MAML3: variants seen among roughly 807,000 people sequenced by gnomAD.
MAML3 encodes mastermind-like protein 3.
In MAML3, 27 loss-of-function variants were observed where a neutral mutation model predicts 101.9. That is an observed-to-expected ratio of 0.27 (90% CI 0.20 to 0.37). The LOEUF (loss-of-function observed/expected upper bound fraction) is 0.37, where lower values mean the gene tolerates loss of function less well. MAML3 is among the 10% of genes least tolerant of loss of function. The probability of loss-of-function intolerance (pLI) is 1.00; values close to 1 mark genes in which losing one functional copy is unlikely to be tolerated. For synonymous variants in MAML3, 501 were observed against 555.9 expected (o/e 0.90, Z 1.39); for missense variants, 1,316 against 1,444.9 (o/e 0.91, Z 1.45).
intron 2 of MAML3, among the ~76,000 whole-genome samples, chr4:139,844,446 A>G (rs1031104964): frequency 2.6e-5 from 4 of 152,166 alleles, no homozygotes; most frequent in Non-Finnish European, 4.4e-5. Flanking sequence ...TGGCACAGAG[A>G]TGATGTGGGA....
At chr4:140,091,224 T>C (rs1218767861) in intron 1 of MAML3, among the ~76,000 whole-genome samples, 1 of 152,146 alleles carries the variant, frequency 6.6e-6, no homozygotes, top group African/African-American at 2.4e-5. Context: ...GTACAACTGC[T>C]TTTTCCTATT....
At chr4:140,094,128 T>G (rs909242294) in intron 1 of MAML3, among the ~76,000 whole-genome samples, 1 of 152,190 alleles carries the variant, frequency 6.6e-6, no homozygotes, top group Non-Finnish European at 1.5e-5. Context: ...CAGTTCTATT[T>G]GCAGGCAAGG....
chr4:140,082,714 T>C (rs368089997), intron 1 of MAML3, among the ~76,000 whole-genome samples: 2 of 151,550 alleles, frequency 1.3e-5, no homozygotes, highest in African/African-American at 4.9e-5. Context: ...CCACCAGGCT[T>C]TCCCCAGAAG....
intron 1 of MAML3, among the ~76,000 whole-genome samples, chr4:140,108,295 C>T (rs1728384546): frequency 6.6e-6 from 1 of 151,946 alleles, no homozygotes; most frequent in Non-Finnish European, 1.5e-5. Context: ...CTCTTGGGAG[C>T]AGGCTGTCCC....
intron 2 of MAML3, among the ~76,000 whole-genome samples, chr4:139,762,771 G>A (rs75831533): frequency 0.018 from 2,760 of 152,276 alleles, 82 homozygotes; most frequent in African/African-American, 0.062. Flanking sequence ...AAATGGTTGA[G>A]AATAAACTGT....
At chr4:139,979,792 C>T (rs764774903) in intron 1 of MAML3, among the ~76,000 whole-genome samples, 34 of 152,136 alleles carry the variant, frequency 2.2e-4, no homozygotes, top group Non-Finnish European at 4.4e-4. Flanking sequence ...CTGCTGGTGC[C>T]GTGATCTCGG....
chr4:139,889,309 A>G (rs1732411532), intron 2 of MAML3, 48 bp downstream of exon 2: 2 of 1,613,758 alleles, frequency 1.2e-6, no homozygotes, highest in South Asian at 2.2e-5. Context: ...CGACAGTCTG[A>G]AATGCACCAC....
At chr4:140,110,549 G>C (rs914181822) in intron 1 of MAML3, among the ~76,000 whole-genome samples, 1 of 152,196 alleles carries the variant, frequency 6.6e-6, no homozygotes, top group African/African-American at 2.4e-5. Context: ...CATTCATGCA[G>C]TATTAAAAAG....
intron 2 of MAML3, among the ~76,000 whole-genome samples, chr4:139,878,452 A>G (rs1390395177): frequency 6.6e-6 from 1 of 152,214 alleles, no homozygotes; most frequent in African/African-American, 2.4e-5. Context: ...TTGGTCCATA[A>G]TATCATGACT....
At chr4:139,769,585 G>A (rs913713712) in intron 2 of MAML3, among the ~76,000 whole-genome samples, 1 of 151,998 alleles carries the variant, frequency 6.6e-6, no homozygotes, top group Non-Finnish European at 1.5e-5. Context: ...AATAAAATAT[G>A]GTGAGTCTAA....
At chr4:139,811,594 G>C (rs1052308198) in intron 2 of MAML3, among the ~76,000 whole-genome samples, 9 of 152,220 alleles carry the variant, frequency 5.9e-5, no homozygotes, top group Non-Finnish European at 1.2e-4. Context: ...AAATATTCCA[G>C]AATGAAGGAC....
intron 1 of MAML3, among the ~76,000 whole-genome samples, chr4:140,001,568 C>T (rs1281730828): frequency 6.6e-6 from 1 of 152,170 alleles, no homozygotes; most frequent in Admixed American, 6.5e-5. Context: ...TCAGAAGGGA[C>T]AAAAGGCCAG....
chr4:140,008,413 GA>G (rs1264626703), intron 1 of MAML3, among the ~76,000 whole-genome samples: 1 of 152,114 alleles, frequency 6.6e-6, no homozygotes, highest in Non-Finnish European at 1.5e-5. Context: ...TGACCTTTTA[GA>G]ATCCTATCAC....
intron 2 of MAML3, among the ~76,000 whole-genome samples, chr4:139,777,579 T>A (rs1730115898): frequency 6.6e-6 from 1 of 152,162 alleles, no homozygotes; most frequent in Non-Finnish European, 1.5e-5. Flanking sequence ...CAGGCTGGAG[T>A]GCAGCAGCAT....
intron 1 of MAML3, among the ~76,000 whole-genome samples, chr4:140,152,197 G>T (rs1729184491): frequency 6.6e-6 from 1 of 152,116 alleles, no homozygotes. Context: ...ATCCGCGCGC[G>T]CTCCCGCGAG....
chr4:139,889,634 T>C lies in MAML3; in HGVS notation c.1802A>G (p.Asn601Ser), dbSNP rs1732422345. 1.2e-6 allele frequency: 2 copies of C among 1,614,038 alleles called. No individual in the cohort carries two copies. Among genetic ancestry groups the C allele is most frequent in the Non-Finnish European group, 1.7e-6 (2 of 1,179,888 alleles). Residue 601 changes from asparagine (N) to serine (S), a missense_variant, in exon 2 of 5, where the codon AAC becomes AGC. Transcript: ENST00000509479. ...ATTGAAGTGGGTCAGGGGTTTAGTG[T>C]TGCCATAAGTCAGAATATTGTGCTG... is the stretch of plus-strand genomic sequence containing the variant. ...NKQHNILTYG[N>S]TKPLTHFNAD...
In MAML3 at chr4:139,827,017, G is replaced by A. The variant is rs940988465; in HGVS notation, c.2079+62340C>T. On this transcript the variant is annotated intron_variant, in intron 2 of 4. Coordinates refer to ENST00000509479, the MANE Select transcript of MAML3 (RefSeq NM_018717.5). Reference sequence around the variant, plus strand: ...GAAGTTCTAGGTAAAAATGAGTAACGACCATTCAGAAAAGGATCTGGCTAA... The same window carrying A: ...GAAGTTCTAGGTAAAAATGAGTAACAACCATTCAGAAAAGGATCTGGCTAA... 3.3e-5 allele frequency among the ~76,000 whole-genome samples: 5 copies of A among 152,104 alleles called. No homozygotes were observed. In the East Asian group the frequency reaches 5.8e-4, roughly 18 times the overall value.
chr4:140,106,678 G>GTTT, intron 1 of MAML3, among the ~76,000 whole-genome samples: 1 of 152,274 alleles, frequency 6.6e-6, no homozygotes, highest in South Asian at 2.1e-4. Flanking sequence ...TGGCTTTAAT[G>GTTT]TTTACCTTTT....
chr4:139,952,009 C>G (rs1446864458), intron 1 of MAML3, among the ~76,000 whole-genome samples: 1 of 152,004 alleles, frequency 6.6e-6, no homozygotes. Flanking sequence ...ACTAAAAATA[C>G]AAAAAATTAG....
Sources: allele counts gnomAD v4.1 joint callset (sites outside exome capture counted in the v4.1 genomes callset), GRCh38; gene constraint gnomAD v4.1.1; transcripts MANE v1.5; gene names NCBI Gene and HGNC (gene_info 2026-07-23, HGNC 2026-07-21).